The following KALRN variants were observed in gnomAD, a reference collection of about 807,000 sequenced individuals.
KALRN encodes kalirin RhoGEF kinase.
A neutral mutation model predicts 353.7 loss-of-function variants in KALRN; 70 were observed. The ratio of observed to expected loss-of-function variants is 0.20; its 90% confidence interval spans 0.16 to 0.24. The LOEUF (loss-of-function observed/expected upper bound fraction) is 0.24, where lower values mean the gene tolerates loss of function less well. Among genes scored for constraint, KALRN ranks in the 10% least tolerant of loss-of-function variants. KALRN has a pLI of 1.00. For missense variants in KALRN, 2,791 were observed against 3,756.7 expected (o/e 0.74, Z 6.72); for synonymous variants, 1,391 against 1,434.8 (o/e 0.97, Z 0.69).
Position 124,335,402 on chromosome 3 carries a change from T to G in KALRN, c.1647+907T>G, listed in dbSNP as rs553187248. On this transcript the variant is annotated intron_variant, in intron 9 of 59. Coordinates refer to ENST00000682506, the MANE Select transcript of KALRN (RefSeq NM_001388419.1). ...TATGACATCAGTTGTTGCTTTTTCC[T>G]TTACCACTAATAATAAAGAAATGGT... Among the ~76,000 whole-genome samples, 67 of 152,334 alleles carry G rather than the reference T, an allele frequency of 4.4e-4. No homozygotes were observed. In the South Asian group the frequency reaches 0.013, roughly 31 times the overall value.
At chr3:124,175,708 C>T (rs1412237769) in intron 1 of KALRN, among the ~76,000 whole-genome samples, 1 of 151,408 alleles carries the variant, frequency 6.6e-6, no homozygotes, top group East Asian at 1.9e-4. Context: ...TCCAGGCCTG[C>T]TCTCCAGGAT....
intron 5 of KALRN, among the ~76,000 whole-genome samples, chr3:124,272,208 A>G (rs138842791): frequency 5.8e-4 from 88 of 152,358 alleles, no homozygotes; most frequent in African/African-American, 1.5e-3. Context: ...TAGCAGCACT[A>G]TATGTATTTT....
At position 124,700,015 on chromosome 3, in the gene KALRN, G is replaced by T. The variant is rs1458513726; in HGVS notation, c.7978G>T (p.Val2660Leu). The T allele has an allele frequency of 1.2e-6, 2 of 1,613,984 alleles. No individual in the cohort carries two copies. Among genetic ancestry groups the T allele is most frequent in the African/African-American group, 2.7e-5 (2 of 74,926 alleles). ...CCTTCCCAGCGAGCCCTCGGAGTTT[G>T]TGCGACTTCCAGAATATGGTGAGTC... Reference protein sequence around the residue: ...ISLPSEPSEFVRLPEYDAAAD... With the variant: ...ISLPSEPSEFLRLPEYDAAAD... The change falls in exon 56 of 60, where the codon GTG becomes TTG. Residue 2660 changes from valine (V) to leucine (L), a missense_variant. Around this residue, in one of 11 missense-constraint regions of KALRN, gnomAD observed 188 missense variants for 402.9 expected, o/e 0.47. Coordinates refer to ENST00000682506, the MANE Select transcript of KALRN (RefSeq NM_001388419.1).
chr3:124,658,627 C>A, intron 42 of KALRN, 110 bp downstream of exon 42: 1 of 793,942 alleles, frequency 1.3e-6, no homozygotes, highest in Non-Finnish European at 2.2e-6. Context: ...CCACACAGCA[C>A]CGTTGACCCA....
Position 124,707,394 on chromosome 3 carries a change from T to TTTCCTTCCTTCC in KALRN, c.8075+5319_8075+5330dup, listed in dbSNP as rs368400674. ...TGGCTAATGACAAGGAGAATAGCAG[T>TTTCCTTCCTTCC]TTCCTTCCTTCCTTCCTTCCTTCCT... is the stretch of plus-strand genomic sequence containing the variant. On this transcript the variant is annotated intron_variant, in intron 57 of 59. Transcript: ENST00000682506. Among the ~76,000 whole-genome samples, 1,331 of 140,782 alleles carry TTTCCTTCCTTCC rather than the reference T, an allele frequency of 9.5e-3. 18 individuals are homozygous for TTTCCTTCCTTCC. The highest frequency in any genetic ancestry group is 0.021 in the African/African-American group (783 of 38,004). The allele number at this position is 140,782 out of a possible 152,430, so 92.4% of individuals were successfully genotyped here. A position where few individuals can be genotyped will look rare whatever the true frequency, so the allele number is the denominator to read the frequency against.
At chr3:124,161,500 CACT>C (rs1393102412) in intron 1 of KALRN, among the ~76,000 whole-genome samples, 1 of 152,190 alleles carries the variant, frequency 6.6e-6, no homozygotes, top group African/African-American at 2.4e-5. Context: ...CCTGCCTTAG[CACT>C]ACTTTTTCTT....
At chr3:124,616,781 C>T (rs1043201932) in intron 34 of KALRN, among the ~76,000 whole-genome samples, 7 of 151,908 alleles carry the variant, frequency 4.6e-5, no homozygotes, top group East Asian at 1.9e-4. Context: ...CTGGCTAACA[C>T]GGTGAAACCC....
rs750174559 is a variant in KALRN at position 124,719,497 on chromosome 3, A to G, written c.*27A>G. On this transcript the variant is annotated 3_prime_UTR_variant, in exon 60 of 60. Transcript: ENST00000682506. The surrounding 1 kb of genome is among the most constrained non-coding windows in gnomAD (Gnocchi z 5.3). ...CATCTCCCAGCCCCTATGGTTTCAC[A>G]TAGACGTGCAGTGTGAACCAAAGCA... is the stretch of plus-strand genomic sequence containing the variant. The G allele has an allele frequency of 3.1e-6, 5 of 1,593,068 alleles. No individual in the cohort carries two copies. The highest frequency in any genetic ancestry group is 4.3e-6 in the Non-Finnish European group (5 of 1,166,766).
At chr3:124,120,711 A>AAT (rs368470724) in intron 1 of KALRN, among the ~76,000 whole-genome samples, 9,671 of 98,158 alleles carry the variant, frequency 0.099, 383 homozygotes, top group South Asian at 0.13. Flanking sequence ...GAATACTAAA[A>AAT]ATATATATAT....
chr3:124,700,068 T>G, intron 56 of KALRN, 35 bp downstream of exon 56: 1 of 1,608,514 alleles, frequency 6.2e-7, no homozygotes, highest in Non-Finnish European at 8.5e-7. Flanking sequence ...CCCCAGGCAG[T>G]GGGATTGAGG....
At chr3:124,181,133 C>T (rs965831576) in intron 1 of KALRN, among the ~76,000 whole-genome samples, 1 of 147,778 alleles carries the variant, frequency 6.8e-6, no homozygotes, top group Admixed American at 6.8e-5. Context: ...CACCTGTAAT[C>T]CTAGCTACTC....
chr3:124,524,261 A>G (rs558724442), intron 33 of KALRN, among the ~76,000 whole-genome samples: 1 of 152,326 alleles, frequency 6.6e-6, no homozygotes, highest in Middle Eastern at 3.4e-3. Flanking sequence ...AATAGGCACC[A>G]TTAGGAAATA....
intron 9 of KALRN, among the ~76,000 whole-genome samples, chr3:124,341,203 G>A (rs1227578963): frequency 6.6e-6 from 1 of 152,196 alleles, no homozygotes; most frequent in Admixed American, 6.5e-5. Context: ...CTACTTTCTG[G>A]TTGAAAAGTC....
intron 5 of KALRN, among the ~76,000 whole-genome samples, chr3:124,298,589 G>T (rs1319852143): frequency 6.7e-6 from 1 of 148,692 alleles, no homozygotes; most frequent in African/African-American, 2.4e-5. Context: ...GCGGCTGCTG[G>T]TGGGGTCTTA....
chr3:124,688,682 G>C (rs2061672002), intron 51 of KALRN, among the ~76,000 whole-genome samples: 1 of 152,140 alleles, frequency 6.6e-6, no homozygotes, highest in African/African-American at 2.4e-5. Context: ...TTGTGACTGT[G>C]ATAAGGAATT....
intron 1 of KALRN, among the ~76,000 whole-genome samples, chr3:124,111,346 T>G (rs2062953864): frequency 6.6e-6 from 1 of 152,236 alleles, no homozygotes; most frequent in Non-Finnish European, 1.5e-5. Flanking sequence ...AGGAGATGTT[T>G]CCTCATGTCT....
chr3:124,279,497 C>A (rs2075125129), intron 5 of KALRN, among the ~76,000 whole-genome samples: 1 of 152,096 alleles, frequency 6.6e-6, no homozygotes, highest in African/African-American at 2.4e-5. Context: ...GCCCCATCCA[C>A]AACAAAGATG....
chr3:124,705,225 A>G (rs960188071), intron 57 of KALRN, among the ~76,000 whole-genome samples: 9 of 152,252 alleles, frequency 5.9e-5, no homozygotes, highest in African/African-American at 2.2e-4. Flanking sequence ...GGTTGAACAC[A>G]GGCATCTATC....
intron 1 of KALRN, among the ~76,000 whole-genome samples, chr3:124,176,026 C>G (rs1424137741): frequency 2.0e-5 from 3 of 152,054 alleles, no homozygotes; most frequent in Non-Finnish European, 4.4e-5. Context: ...ACCCAGTAGC[C>G]CCCCTTTATA....
Sources: allele counts gnomAD v4.1 joint callset (sites outside exome capture counted in the v4.1 genomes callset), GRCh38; gene constraint gnomAD v4.1.1; regional missense constraint gnomAD v4.1.1; non-coding constraint Gnocchi (gnomAD v3.1); transcripts MANE v1.5; gene names NCBI Gene and HGNC (gene_info 2026-07-23, HGNC 2026-07-21).